The following HERPUD1 variants were observed in gnomAD, a reference collection of about 807,000 sequenced individuals.
HERPUD1 encodes homocysteine-responsive endoplasmic reticulum-resident ubiquitin-like domain member 1 protein.
In HERPUD1, 17 loss-of-function variants were observed where a neutral mutation model predicts 45.0. The ratio of observed to expected loss-of-function variants is 0.38; its 90% CI spans 0.26 to 0.57. The LOEUF is 0.57. HERPUD1 is among the 20% of genes least tolerant of loss of function. HERPUD1 has a pLI of 0.72. For missense variants in HERPUD1, 420 were observed against 490.5 expected (o/e 0.86, Z 1.36); for synonymous variants, 164 against 177.5 (o/e 0.92, Z 0.61).
At chr16:56,932,990 C>A (rs575220731) in intron 1 of HERPUD1, among the ~76,000 whole-genome samples, 1 of 152,202 alleles carries the variant, frequency 6.6e-6, no homozygotes, top group Non-Finnish European at 1.5e-5. Flanking sequence ...AGGCAGGAGT[C>A]GCCTTCAGTC....
At chr16:56,938,234 C>T (rs2055880767) in intron 4 of HERPUD1, among the ~76,000 whole-genome samples, 1 of 152,158 alleles carries the variant, frequency 6.6e-6, no homozygotes, top group Non-Finnish European at 1.5e-5. Context: ...CATACACCTG[C>T]CCTGTGAAGT....
At chr16:56,933,284 T>C (rs1186895954) in intron 1 of HERPUD1, 1 of 456,086 alleles carries the variant, frequency 2.2e-6, no homozygotes, top group East Asian at 6.9e-5. Context: ...CTGTGTCTGT[T>C]TTTGTTTCAT....
chr16:56,938,872 G>A (rs959419761), intron 4 of HERPUD1, among the ~76,000 whole-genome samples: 1 of 152,162 alleles, frequency 6.6e-6, no homozygotes. Flanking sequence ...GGAGAAATGT[G>A]GCTTTTGAGC....
chr16:56,939,385 G>C, intron 5 of HERPUD1, 26 bp downstream of exon 5: 1 of 1,613,728 alleles, frequency 6.2e-7, no homozygotes, highest in Non-Finnish European at 8.5e-7. Flanking sequence ...CATGCTGGGT[G>C]TGGCCAGGGC....
In HERPUD1 at chr16:56,939,145, C is replaced by T. The variant is rs1297256157; in HGVS notation, c.432-92C>T. The T allele has an allele frequency of 5.0e-6, 7 of 1,409,434 alleles. No homozygotes were observed. In the African/African-American group the frequency reaches 5.7e-5, roughly 11 times the overall value. 87.3% of individuals were successfully genotyped at this position (1,409,434 alleles called of 1,614,324 possible). On this transcript the variant is annotated intron_variant, in intron 4 of 7. Transcript: ENST00000439977. Reference sequence around the variant, plus strand: ...CGTAAATTCCATTCTTCTGTCTCTTCGATTTGAATTCTTGATTTTAATTTA... The same window carrying T: ...CGTAAATTCCATTCTTCTGTCTCTTTGATTTGAATTCTTGATTTTAATTTA...
At position 56,942,188 on chromosome 16, in the gene HERPUD1, A is replaced by G; in HGVS notation, c.962A>G (p.Asp321Gly). The change falls in exon 7 of 8, where the codon GAT becomes GGT. Residue 321 changes from aspartate (D) to glycine (G), a missense_variant. Coordinates refer to ENST00000439977, the MANE Select transcript of HERPUD1 (RefSeq NM_014685.4). ...RPRPVQNFPN[D>G]GPPPDVVNQD... The stretch of plus-strand genomic sequence containing the variant: ...AGGCCGGTTCAGAACTTCCCAAATG[A>G]TGGTCCTCCTCCTGACGTTGTAAAT... 6.2e-7 allele frequency: 1 copy of G among 1,614,144 alleles called. No individual in the cohort carries two copies. Among genetic ancestry groups the G allele is most frequent in the Non-Finnish European group, 8.5e-7 (1 of 1,179,996 alleles).
At chr16:56,935,757 G>T in intron 3 of HERPUD1, 1 of 399,258 alleles carries the variant, frequency 2.5e-6, no homozygotes, top group South Asian at 3.4e-5. Flanking sequence ...CTAGATTACT[G>T]AACTAACACT....
intron 7 of HERPUD1, among the ~76,000 whole-genome samples, chr16:56,942,881 A>G (rs917062120): frequency 6.6e-6 from 1 of 152,076 alleles, no homozygotes; most frequent in East Asian, 1.9e-4. Context: ...TAGTTGTTTC[A>G]TTTGATATTT....
Position 56,940,089 on chromosome 16 carries a change from G to T in HERPUD1, c.749G>T (p.Gly250Val). 1 of 1,614,240 alleles carries T rather than the reference G, an allele frequency of 6.2e-7. No homozygotes were observed. Among genetic ancestry groups the T allele is most frequent in the Non-Finnish European group, 8.5e-7 (1 of 1,180,046 alleles). ...ANQNLRMNAQ[G>V]GPIVEEDDEI... is the part of the protein sequence containing the mutation. ...CAAAATTTGCGGATGAATGCACAAG[G>T]TGGCCCTATTGTGGAAGAAGATGAT... Residue 250 changes from glycine to valine, a missense_variant, in exon 6 of 8, where the codon GGT becomes GTT. Coordinates refer to ENST00000439977, the MANE Select transcript of HERPUD1 (RefSeq NM_014685.4).
chr16:56,932,271 C>T lies in HERPUD1; in HGVS notation c.27C>T (p.Pro9=), dbSNP rs770951906. Residue 9 remains proline (P), a synonymous_variant, in exon 1 of 8, where the codon CCC becomes CCT. Transcript: ENST00000439977. The stretch of plus-strand genomic sequence containing the variant: ...TGGAGTCCGAGACCGAACCCGAGCC[C>T]GTCACGCTCCTGGTGAAGAGCCCCA... MESETEPE[P]VTLLVKSPNQ... The T allele has an allele frequency of 1.9e-6, 3 of 1,609,188 alleles. No homozygotes were observed. Among genetic ancestry groups the T allele is most frequent in the Non-Finnish European group, 2.5e-6 (3 of 1,179,472 alleles).
At chr16:56,936,872 A>C in intron 4 of HERPUD1, 55 bp downstream of exon 4, 1 of 1,590,990 alleles carries the variant, frequency 6.3e-7, no homozygotes, top group Admixed American at 1.7e-5. Flanking sequence ...CCTCGTTTGC[A>C]TCAATTTAAG....
intron 6 of HERPUD1, 156 bp from the exon 7 acceptor site, chr16:56,941,976 A>G: frequency 1.6e-6 from 1 of 617,860 alleles, no homozygotes; most frequent in Non-Finnish European, 2.9e-6. Context: ...ACTGGTGAGA[A>G]TGTCTGGGAG....
At chr16:56,935,109 T>C in intron 1 of HERPUD1, 126 bp from the exon 2 acceptor site, 3 of 667,164 alleles carry the variant, frequency 4.5e-6, no homozygotes, top group Non-Finnish European at 5.4e-6. Context: ...TTTGAGAAAG[T>C]GTTTTCCCGT....
intron 6 of HERPUD1, 131 bp downstream of exon 6, chr16:56,940,376 C>T (rs780751529): frequency 1.8e-5 from 12 of 654,714 alleles, no homozygotes; most frequent in Non-Finnish European, 2.6e-5. Context: ...TACAATGGCA[C>T]AATCACTGCA....
chr16:56,941,107 T>C (rs1440641718), intron 6 of HERPUD1: 1 of 152,198 alleles, frequency 6.6e-6, no homozygotes, highest in African/African-American at 2.4e-5. Flanking sequence ...CCTTCCAGGC[T>C]CACAAACCAC....
At chr16:56,939,769 A>C in intron 5 of HERPUD1, 126 bp from the exon 6 acceptor site, 1 of 699,196 alleles carries the variant, frequency 1.4e-6, no homozygotes, top group South Asian at 2.0e-5. Context: ...CACTAAATTG[A>C]AGAAAAATCA....
At chr16:56,935,625 A>G (rs992740422) in intron 3 of HERPUD1, 150 bp downstream of exon 3, 5 of 666,492 alleles carry the variant, frequency 7.5e-6, no homozygotes, top group Non-Finnish European at 1.0e-5. Context: ...TAGAAACTGT[A>G]TTATCAACAC....
rs1376256190 is a variant in HERPUD1, at chr16:56,940,092, G to T, written c.752G>T (p.Gly251Val). ...NQNLRMNAQG[G>V]PIVEEDDEIN... ...AATTTGCGGATGAATGCACAAGGTG[G>T]CCCTATTGTGGAAGAAGATGATGAA... Residue 251 changes from glycine to valine, a missense_variant, in exon 6 of 8, where the codon GGC becomes GTC. Coordinates refer to ENST00000439977, the MANE Select transcript of HERPUD1 (RefSeq NM_014685.4). The T allele has an allele frequency of 2.5e-6, 4 of 1,614,076 alleles. No homozygotes were observed. Among genetic ancestry groups the T allele is most frequent in the Non-Finnish European group, 1.7e-6 (2 of 1,180,050 alleles).
chr16:56,932,326 G>T lies in HERPUD1; in HGVS notation c.82G>T (p.Gly28Cys). ...NQRHRDLELSGDRGWSVGHLK... is the reference protein window; with the variant it reads ...NQRHRDLELSCDRGWSVGHLK... Reference sequence around the variant, plus strand: ...GCGCCACCGCGACTTGGAGCTGAGTGGCGACCGCGGCTGGAGTGTGGGCCA... The same window carrying T: ...GCGCCACCGCGACTTGGAGCTGAGTTGCGACCGCGGCTGGAGTGTGGGCCA... Residue 28 changes from glycine to cysteine, a missense_variant, in exon 1 of 8, where the codon GGC becomes TGC. Gly to Cys is a radical substitution (Grantham distance 159, BLOSUM62 -3). Transcript: ENST00000439977. 1 of 1,604,848 alleles carries T rather than the reference G, an allele frequency of 6.2e-7. No homozygotes were observed.
Sources: gnomAD v4.1 joint callset for allele counts (sites outside exome capture counted in the v4.1 genomes callset) on GRCh38, gnomAD v4.1.1 for gene constraint, MANE v1.5 for transcripts, NCBI Gene and HGNC (gene_info 2026-07-23, HGNC 2026-07-21) for gene names.